CAMK2B: variants seen among roughly 807,000 people sequenced by gnomAD.
CAMK2B encodes the protein calcium/calmodulin-dependent protein kinase type II subunit beta.
Under a neutral mutation model 93.7 loss-of-function variants are expected in CAMK2B, and 27 were observed. The ratio of observed to expected loss-of-function variants is 0.29; its 90% CI spans 0.21 to 0.40. The LOEUF is 0.40. Among genes scored for constraint, CAMK2B ranks in the 10% least tolerant of loss-of-function variants. CAMK2B has a pLI of 1.00. For missense variants in CAMK2B, 568 were observed against 895.8 expected (o/e 0.63, Z 4.67); for synonymous variants, 374 against 358.8 (o/e 1.04, Z -0.48).
intron 1 of CAMK2B, among the ~76,000 whole-genome samples, chr7:44,316,513 G>GTATT (rs1794862503): frequency 6.6e-6 from 1 of 152,096 alleles, no homozygotes; most frequent in Non-Finnish European, 1.5e-5. Flanking sequence ...TGGTATTAGG[G>GTATT]TATTGCTGGC....
rs1562839556 is a variant in CAMK2B, at chr7:44,234,391, A to C, written c.1130T>G (p.Leu377Arg). ...SPKGTLPPAA[L>R]EPQTTVIHNP... ...GGCAGAATTTGAGGAGCTCAGTACCAGGGCGGCAGGAGGAAGCGTCCCTTT... is the reference window on the plus strand; with the variant it reads ...GGCAGAATTTGAGGAGCTCAGTACCCGGGCGGCAGGAGGAAGCGTCCCTTT... The change falls in exon 15 of 24, where the codon CTG (leucine) becomes CGG (arginine). Residue 377 changes from leucine (L) to arginine (R), a missense_variant and splice_region_variant. By Grantham distance (102) the Leu-to-Arg change is moderately radical. Transcript: ENST00000395749. 6.6e-7 allele frequency: 1 copy of C among 1,520,680 alleles called. No homozygotes were observed. Among genetic ancestry groups the C allele is most frequent in the East Asian group, 2.3e-5 (1 of 42,890 alleles). The allele number at this position is 1,520,680 out of a possible 1,614,324, so 94.2% of individuals were successfully genotyped here. A position where few individuals can be genotyped will look rare whatever the true frequency, so the allele number is the denominator to read the frequency against.
At chr7:44,220,792 C>A (rs905143194) in intron 21 of CAMK2B, 34 bp downstream of exon 21, 1 of 1,559,442 alleles carries the variant, frequency 6.4e-7, no homozygotes, top group Non-Finnish European at 8.7e-7. Context: ...ACATCCTTGT[C>A]CTGCACAGCC....
At position 44,257,319 on chromosome 7, in the gene CAMK2B, C is replaced by T. The variant is rs868680425; in HGVS notation, c.275+1553G>A. ...AAGACATGGAGGGTCCTTCCTGACT[C>T]GCCAGCCAATCTCCTCTTCCCAGCC... is the stretch of plus-strand genomic sequence containing the variant. On this transcript the variant is annotated intron_variant, in intron 4 of 23. Coordinates refer to ENST00000395749, the MANE Select transcript of CAMK2B (RefSeq NM_001220.5). Among the ~76,000 whole-genome samples, 14 of 152,116 alleles carry T rather than the reference C, an allele frequency of 9.2e-5. No individual in the cohort carries two copies. In the South Asian group the frequency reaches 1.0e-3, roughly 11 times the overall value.
chr7:44,220,347 C>A, intron 22 of CAMK2B, 53 bp from the exon 23 acceptor site: 1 of 1,371,222 alleles, frequency 7.3e-7, no homozygotes, highest in Non-Finnish European at 1.0e-6. Context: ...TGCCCTGGTG[C>A]CCGTCTTCCA....
intron 2 of CAMK2B, among the ~76,000 whole-genome samples, chr7:44,277,030 CCGCTA>C (rs1375478344): frequency 6.6e-6 from 1 of 152,158 alleles, no homozygotes; most frequent in African/African-American, 2.4e-5. Context: ...ACAGCATGGG[CCGCTA>C]ACCAGGGTCA....
rs898619887 is a variant in CAMK2B, at chr7:44,217,875, C to T, written c.*1650G>A. 3 of 152,260 alleles carry T rather than the reference C, an allele frequency of 2.0e-5. No homozygotes were observed. The highest frequency in any genetic ancestry group is 1.3e-4 in the Admixed American group (2 of 15,286). The allele number at this position is 152,260 out of a possible 1,614,324, so 9.4% of individuals were successfully genotyped here. On this transcript the variant is annotated 3_prime_UTR_variant, in exon 24 of 24. Coordinates refer to ENST00000395749, the MANE Select transcript of CAMK2B (RefSeq NM_001220.5). Reference sequence around the variant, plus strand: ...CCCACCCAACCTGGCTTCAGACCCACCCTGCAGCCCCACCATGCTCGGGCT... The same window carrying T: ...CCCACCCAACCTGGCTTCAGACCCATCCTGCAGCCCCACCATGCTCGGGCT...
intron 4 of CAMK2B, among the ~76,000 whole-genome samples, chr7:44,255,499 A>T (rs10258037): frequency 0.33 from 50,179 of 151,970 alleles, 8,897 homozygotes; most frequent in Non-Finnish European, 0.4. Flanking sequence ...GGTTAGGGTC[A>T]CTGCTCCCAC....
chr7:44,308,955 G>T (rs1467842298), intron 1 of CAMK2B, among the ~76,000 whole-genome samples: 6 of 152,210 alleles, frequency 3.9e-5, no homozygotes, highest in African/African-American at 7.2e-5. Context: ...GGCACTGAGG[G>T]AACTGAGCTG....
At chr7:44,228,534 G>A (rs2096543239) in intron 19 of CAMK2B, among the ~76,000 whole-genome samples, 1 of 152,118 alleles carries the variant, frequency 6.6e-6, no homozygotes, top group Non-Finnish European at 1.5e-5. Flanking sequence ...TTTTGGAGAG[G>A]GGCCTGGGGC....
chr7:44,320,861 G>T (rs936870268), intron 1 of CAMK2B, among the ~76,000 whole-genome samples: 3 of 152,150 alleles, frequency 2.0e-5, no homozygotes, highest in Non-Finnish European at 1.5e-5. Flanking sequence ...CACAACCATG[G>T]CAGGGAGCCG....
chr7:44,319,571 G>A (rs1795570440), intron 1 of CAMK2B, among the ~76,000 whole-genome samples: 1 of 152,110 alleles, frequency 6.6e-6, no homozygotes, highest in African/African-American at 2.4e-5. Flanking sequence ...TGTGGCCTTT[G>A]ACCGCGGCAG....
chr7:44,246,991 C>T, intron 6 of CAMK2B, 129 bp downstream of exon 6: 2 of 699,960 alleles, frequency 2.9e-6, no homozygotes, highest in Non-Finnish European at 5.1e-6. Flanking sequence ...CACAAGGACA[C>T]ACACACACAT....
chr7:44,253,106 GGTGCAGAGGCAA>G (rs774760485), intron 5 of CAMK2B, among the ~76,000 whole-genome samples: 1 of 151,954 alleles, frequency 6.6e-6, no homozygotes, highest in African/African-American at 2.4e-5. Context: ...GTTTCCTACT[GGTGCAGAGGCAA>G]GTCACATCAA....
intron 1 of CAMK2B, among the ~76,000 whole-genome samples, chr7:44,306,572 C>T (rs1484297934): frequency 2.6e-5 from 4 of 152,226 alleles, no homozygotes; most frequent in African/African-American, 9.7e-5. Flanking sequence ...GGGAGGCCTG[C>T]AGGTCAGGCC....
intron 2 of CAMK2B, among the ~76,000 whole-genome samples, chr7:44,265,433 G>T (rs754924763): frequency 6.6e-6 from 1 of 152,230 alleles, no homozygotes; most frequent in Non-Finnish European, 1.5e-5. Flanking sequence ...ACATCGCCAC[G>T]GGACGTGTGG....
chr7:44,229,529 G>T, intron 17 of CAMK2B, 28 bp from the exon 18 acceptor site: 1 of 1,216,404 alleles, frequency 8.2e-7, no homozygotes, highest in Non-Finnish European at 1.1e-6. Flanking sequence ...AGGCAGGCAG[G>T]TGGGTGGTGC....
At chr7:44,249,996 C>T (rs1225727840) in intron 5 of CAMK2B, among the ~76,000 whole-genome samples, 7 of 152,202 alleles carry the variant, frequency 4.6e-5, no homozygotes, top group Admixed American at 1.3e-4. Context: ...AAGGGTATGA[C>T]GGGGACTTGG....
intron 2 of CAMK2B, among the ~76,000 whole-genome samples, chr7:44,270,158 C>T (rs953484469): frequency 1.3e-5 from 2 of 152,022 alleles, no homozygotes; most frequent in Non-Finnish European, 2.9e-5. Flanking sequence ...GGGCCCCCCA[C>T]TAGCACCAGC....
chr7:44,263,199 A>G, intron 2 of CAMK2B, 135 bp from the exon 3 acceptor site: 1 of 742,438 alleles, frequency 1.3e-6, no homozygotes, highest in Non-Finnish European at 2.1e-6. Flanking sequence ...CCACCAAGGG[A>G]ACACCCTTCG....
Sources: gnomAD v4.1 joint callset for allele counts (sites outside exome capture counted in the v4.1 genomes callset) on GRCh38, gnomAD v4.1.1 for gene constraint, MANE v1.5 for transcripts, NCBI Gene and HGNC (gene_info 2026-07-23, HGNC 2026-07-21) for gene names.